The following ARHGEF18 variants were observed in gnomAD, a reference collection of about 807,000 sequenced individuals.
ARHGEF18 encodes Rho/Rac guanine nucleotide exchange factor 18.
A neutral mutation model predicts 155.7 loss-of-function variants in ARHGEF18; 93 were observed. The observed-to-expected ratio is 0.60, with a 90% CI of 0.50 to 0.71. ARHGEF18 has a LOEUF of 0.71. Among genes scored for constraint, ARHGEF18 ranks in the 30% least tolerant of loss-of-function variants. ARHGEF18 has a pLI of 0.00. For missense variants in ARHGEF18, 1,593 were observed against 1,816.1 expected (o/e 0.88, Z 2.23); for synonymous variants, 742 against 753.1 (o/e 0.99, Z 0.24).
Position 7,444,524 on chromosome 19 carries a change from T to G in ARHGEF18, c.1611+70T>G, listed in dbSNP as rs550986906. 1 of 1,570,702 alleles carries G rather than the reference T, an allele frequency of 6.4e-7. No individual in the cohort carries two copies. Among genetic ancestry groups the G allele is most frequent in the East Asian group, 2.3e-5 (1 of 44,306 alleles). ...CTTGTCTCTGTTCCTTTCTTCTTTT[T>G]TTCTGAGATAGGGTCTTGCCGTGTC... On this transcript the variant is annotated intron_variant, in intron 14 of 28. Transcript: ENST00000668164. The surrounding 1 kb of genome is among the most constrained non-coding windows in gnomAD (Gnocchi z 4.7).
chr19:7,352,699 A>G (rs546141722), intron 1 of ARHGEF18, among the ~76,000 whole-genome samples: 1 of 149,718 alleles, frequency 6.7e-6, no homozygotes, highest in Admixed American at 6.7e-5. Flanking sequence ...ACGCCCGGCT[A>G]TTTTTTTGTA....
At chr19:7,476,362 A>G (rs1170359784), downstream of ARHGEF18, among the ~76,000 whole-genome samples, 2 of 152,324 alleles carry the variant, frequency 1.3e-5, no homozygotes, top group South Asian at 2.1e-4. Flanking sequence ...CCAAGGGCGC[A>G]CACACACTGG....
chr19:7,470,678 G>C lies in ARHGEF18; in HGVS notation c.*380G>C. 2.5e-6 allele frequency: 1 copy of C among 399,062 alleles called. No individual in the cohort carries two copies. The highest frequency in any genetic ancestry group is 4.4e-6 in the Non-Finnish European group (1 of 225,524). 24.7% of individuals were successfully genotyped at this position (399,062 alleles called of 1,614,324 possible). ...AACGGTGCCGGCTCTGCACGGAGCTGAGGACAGGACAGACCTTGCTTTGAG... is the reference window on the plus strand; with the variant it reads ...AACGGTGCCGGCTCTGCACGGAGCTCAGGACAGGACAGACCTTGCTTTGAG... On this transcript the variant is annotated 3_prime_UTR_variant, in exon 29 of 29. Transcript: ENST00000668164. This position sits in a 1 kb window ranked among gnomAD's most constrained non-coding sequence, Gnocchi z 5.9.
In ARHGEF18 at chr19:7,462,173, A is replaced by C. The variant is rs1662444380; in HGVS notation, c.2474A>C (p.Gln825Pro). The change falls in exon 21 of 29, where the codon CAG (glutamine) becomes CCG (proline). Residue 825 changes from glutamine (Q) to proline (P), a missense_variant. Physicochemically the swap from Gln to Pro is moderately conservative, Grantham distance 76. Coordinates refer to ENST00000668164, the MANE Select transcript of ARHGEF18 (RefSeq NM_001367823.1). The surrounding 1 kb of genome is among the most constrained non-coding windows in gnomAD (Gnocchi z 4.4). ...DFQERLSMKDQLIAQSLLEKQ... is the reference protein window; with the variant it reads ...DFQERLSMKDPLIAQSLLEKQ... ...GCAGAGCGGTTGAGCATGAAAGACC[A>C]GCTGATCGCACAGAGCCTCCTAGAG... 1 of 1,613,814 alleles carries C rather than the reference A, an allele frequency of 6.2e-7. No homozygotes were observed. The highest frequency in any genetic ancestry group is 1.3e-5 in the African/African-American group (1 of 74,928).
intron 14 of ARHGEF18, among the ~76,000 whole-genome samples, chr19:7,445,206 G>A (rs946448015): frequency 6.6e-6 from 1 of 152,116 alleles, no homozygotes; most frequent in Non-Finnish European, 1.5e-5. Flanking sequence ...CAGCACTTTG[G>A]GAGGCCAAGC....
chr19:7,409,464 A>G (rs1303087308), intron 10 of ARHGEF18, among the ~76,000 whole-genome samples: 3 of 132,488 alleles, frequency 2.3e-5, no homozygotes, highest in South Asian at 4.9e-4. Context: ...AGGCCACTCT[A>G]TCACCCAAGC....
In ARHGEF18 at chr19:7,371,420, C is replaced by T. The variant is rs371988431; in HGVS notation, c.16-1392C>T. Reference sequence around the variant, plus strand: ...ATGTGGGCCCGGGTACAGTGGCTCACGCCTGTAATCCCAACACTTTGGGAG... The same window carrying T: ...ATGTGGGCCCGGGTACAGTGGCTCATGCCTGTAATCCCAACACTTTGGGAG... On this transcript the variant is annotated intron_variant, in intron 2 of 28. Transcript: ENST00000668164. Among the ~76,000 whole-genome samples the T allele has an allele frequency of 7.2e-5, 11 of 152,232 alleles. No homozygotes were observed. In the South Asian group the frequency reaches 2.1e-3, roughly 29 times the overall value.
chr19:7,399,674 G>T (rs978751809), intron 10 of ARHGEF18, among the ~76,000 whole-genome samples: 14 of 151,192 alleles, frequency 9.3e-5, no homozygotes, highest in African/African-American at 3.4e-4. Flanking sequence ...TAGAGATTGG[G>T]TTTCACCGTG....
At position 7,440,072 on chromosome 19, in the gene ARHGEF18, C is replaced by T. The variant is rs750549345; in HGVS notation, c.968-272C>T. The T allele has an allele frequency of 5.2e-6, 8 of 1,550,460 alleles. No individual in the cohort carries two copies. The highest frequency in any genetic ancestry group is 2.4e-5 in the East Asian group (1 of 40,886). ...AAAACGGCGCAGCCCAGCCTGGCGCCGCGCCGGGTCCCGGAGCCCCGGGCG... is the reference window on the plus strand; with the variant it reads ...AAAACGGCGCAGCCCAGCCTGGCGCTGCGCCGGGTCCCGGAGCCCCGGGCG... On this transcript the variant is annotated intron_variant, in intron 10 of 28. Coordinates refer to ENST00000668164, the MANE Select transcript of ARHGEF18 (RefSeq NM_001367823.1). This position sits in a 1 kb window ranked among gnomAD's most constrained non-coding sequence, Gnocchi z 5.4.
downstream of ARHGEF18, chr19:7,473,496 C>G: frequency 2.9e-6 from 1 of 346,382 alleles, no homozygotes; most frequent in Non-Finnish European, 5.7e-6. Flanking sequence ...ATAGTGAAAC[C>G]CCTTCACAGA....
At chr19:7,361,715 G>A (rs1354692752) in intron 1 of ARHGEF18, among the ~76,000 whole-genome samples, 5 of 151,732 alleles carry the variant, frequency 3.3e-5, no homozygotes, top group South Asian at 2.1e-4. Flanking sequence ...AGCACTGGCC[G>A]GGCACCGTGG....
At chr19:7,429,868 C>T (rs979895511) in intron 10 of ARHGEF18, among the ~76,000 whole-genome samples, 14 of 152,000 alleles carry the variant, frequency 9.2e-5, no homozygotes, top group African/African-American at 1.2e-4. Context: ...AGAGCGCTCC[C>T]GTGCATATGC....
At chr19:7,362,473 A>C (rs1369263301) in intron 1 of ARHGEF18, among the ~76,000 whole-genome samples, 1 of 152,198 alleles carries the variant, frequency 6.6e-6, no homozygotes, top group African/African-American at 2.4e-5. Flanking sequence ...ACATAAGCCA[A>C]CTTGGATCAC....
chr19:7,449,003 G>A (rs1201011707), intron 15 of ARHGEF18, among the ~76,000 whole-genome samples: 4 of 152,102 alleles, frequency 2.6e-5, no homozygotes, highest in Admixed American at 6.6e-5. Context: ...AGTGACATGC[G>A]TTTAAACTTC....
intron 1 of ARHGEF18, among the ~76,000 whole-genome samples, chr19:7,349,671 G>A (rs1223510993): frequency 1.3e-5 from 2 of 152,064 alleles, no homozygotes; most frequent in Admixed American, 6.6e-5. Context: ...TCAGCTACTC[G>A]GGAGGCTGAG....
Position 7,453,514 on chromosome 19 carries a change from A to G in ARHGEF18, c.1903A>G (p.Lys635Glu). 2.5e-6 allele frequency: 4 copies of G among 1,613,762 alleles called. No individual in the cohort carries two copies. The highest frequency in any genetic ancestry group is 3.4e-6 in the Non-Finnish European group (4 of 1,179,688). ...CCTGACCCAGGCCTTGAACCTCATC[A>G]AAGATATCATCTCACAAGTGGACGC... The part of the protein sequence containing the change: ...EDLTQALNLI[K>E]DIISQVDAKV... The change falls in exon 17 of 29, where the codon AAA becomes GAA. Residue 635 changes from lysine (K) to glutamate (E), a missense_variant. Coordinates refer to ENST00000668164, the MANE Select transcript of ARHGEF18 (RefSeq NM_001367823.1).
chr19:7,429,201 G>A (rs1460003350), intron 10 of ARHGEF18, among the ~76,000 whole-genome samples: 1 of 152,184 alleles, frequency 6.6e-6, no homozygotes, highest in Non-Finnish European at 1.5e-5. Flanking sequence ...GGCCAGAGAG[G>A]GTCTGGACCC....
In ARHGEF18 at chr19:7,375,766, C is replaced by T. The variant is rs550871797; in HGVS notation, c.322C>T (p.Arg108Ter). The change falls in exon 4 of 29, where the codon CGA becomes TGA. Residue 108 changes from arginine to a stop codon, truncating the protein, a stop_gained. Coordinates refer to ENST00000668164, the MANE Select transcript of ARHGEF18 (RefSeq NM_001367823.1). LOFTEE classifies it high-confidence loss of function. Reference sequence around the variant, plus strand: ...TGTGGATGAGGAACCCTGTCTCCCCCGAACACTGGCCAGCCTTGCTTTGAA... The same window carrying T: ...TGTGGATGAGGAACCCTGTCTCCCCTGAACACTGGCCAGCCTTGCTTTGAA... ...SAVDEEPCLP[R>*]TLASLALNLP... 1.0e-4 allele frequency: 127 copies of T among 1,234,522 alleles called. No homozygotes were observed. Among genetic ancestry groups the T allele is most frequent in the Admixed American group, 4.2e-4 (10 of 23,718 alleles). The allele number at this position is 1,234,522 out of a possible 1,614,324, so 76.5% of individuals were successfully genotyped here.
chr19:7,363,680 G>A (rs1183436995), intron 2 of ARHGEF18, among the ~76,000 whole-genome samples: 1 of 151,780 alleles, frequency 6.6e-6, no homozygotes, highest in African/African-American at 2.4e-5. Flanking sequence ...TGGGTGAGTG[G>A]ATGGATGAGA....
Sources: gnomAD v4.1 joint callset for allele counts (sites outside exome capture counted in the v4.1 genomes callset) on GRCh38, gnomAD v4.1.1 for gene constraint, Gnocchi (gnomAD v3.1) non-coding constraint, MANE v1.5 for transcripts, NCBI Gene and HGNC (gene_info 2026-07-23, HGNC 2026-07-21) for gene names.